The following FAAH2 variants were observed in gnomAD, a reference collection of about 807,000 sequenced individuals.
The protein encoded by FAAH2 is fatty-acid amide hydrolase 2.
FAAH2 carries 60 observed loss-of-function variants against 36.9 expected under a neutral mutation model. The observed-to-expected ratio is 1.63, with a 90% confidence interval of 1.32 to 2.02. The LOEUF is 2.02. Among genes scored for constraint, FAAH2 ranks in the 30% most tolerant of loss-of-function variants. The pLI, the probability that FAAH2 is intolerant of heterozygous loss-of-function variation, is 0.00. For synonymous variants in FAAH2, 214 were observed against 143.8 expected (o/e 1.49, Z -3.49); for missense variants, 689 against 397.5 (o/e 1.73, Z -6.23).
chrX:57,318,195 CAA>C (rs1454422424), intron 3 of FAAH2, among the ~76,000 whole-genome samples: 1 of 63,993 alleles, frequency 1.6e-5, no homozygotes. Flanking sequence ...AGACACACAA[CAA>C]ACCCTTCAAA....
the FAAH2 span, among the ~76,000 whole-genome samples, chrX:57,144,962 A>G: frequency 9.1e-6 from 1 of 109,538 alleles, no homozygotes; most frequent in Non-Finnish European, 1.9e-5. Context: ...TTCTTTATCC[A>G]CTCATTGATT....
At chrX:57,284,858 T>G (rs967184709), upstream of FAAH2, among the ~76,000 whole-genome samples, 2 of 111,722 alleles carry the variant, frequency 1.8e-5, no homozygotes, top group African/African-American at 6.5e-5. Flanking sequence ...CCTAGGGACA[T>G]TAAGTGATTT....
intron 7 of FAAH2, among the ~76,000 whole-genome samples, chrX:57,388,408 C>A (rs1371923372): frequency 1.8e-5 from 2 of 111,103 alleles, no homozygotes; most frequent in Admixed American, 1.9e-4. Context: ...TATTTCCTAG[C>A]AACACCTTAC....
At chrX:57,183,887 G>A in the FAAH2 span, among the ~76,000 whole-genome samples, 1 of 110,600 alleles carries the variant, frequency 9.0e-6, no homozygotes, top group Non-Finnish European at 1.9e-5. Context: ...GCAAGTAGGA[G>A]ATATCGCTAA....
the FAAH2 span, among the ~76,000 whole-genome samples, chrX:57,163,169 G>A: frequency 8.0e-5 from 9 of 112,219 alleles, no homozygotes; most frequent in Non-Finnish European, 1.5e-4. Flanking sequence ...CAGTTATGCT[G>A]CTTGGGGGTC....
intron 10 of FAAH2, among the ~76,000 whole-genome samples, chrX:57,466,156 C>CTCTATATA (rs1287266105): frequency 0.01 from 669 of 66,346 alleles, 7 homozygotes; most frequent in African/African-American, 0.031. Flanking sequence ...CTCTCTCTCT[C>CTCTATATA]TATATATATA....
At chrX:57,231,223 A>G in the FAAH2 span, among the ~76,000 whole-genome samples, 1 of 110,666 alleles carries the variant, frequency 9.0e-6, no homozygotes, top group Non-Finnish European at 1.9e-5. Flanking sequence ...ACTTTTATTC[A>G]TGATTTTCTG....
intron 7 of FAAH2, chrX:57,392,784 A>G: frequency 1.6e-6 from 1 of 624,251 alleles, no homozygotes; most frequent in South Asian, 2.2e-5. Flanking sequence ...GATGTTGCGA[A>G]TGGGCAGAAT....
chrX:57,342,480 C>T (rs2147060622), intron 5 of FAAH2, among the ~76,000 whole-genome samples: 1 of 111,267 alleles, frequency 9.0e-6, no homozygotes, highest in South Asian at 3.8e-4. Context: ...GACACGTTTA[C>T]CTATGTAACA....
At chrX:57,272,163 C>T in the FAAH2 span, among the ~76,000 whole-genome samples, 2 of 104,946 alleles carry the variant, frequency 1.9e-5, no homozygotes, top group African/African-American at 3.5e-5. Context: ...TGATTGAAGA[C>T]CAACTTAATG....
At chrX:57,486,932 G>T (rs2057484393) in intron 10 of FAAH2, among the ~76,000 whole-genome samples, 1 of 111,705 alleles carries the variant, frequency 9.0e-6, no homozygotes, top group South Asian at 3.7e-4. Flanking sequence ...GACTGGAACT[G>T]CAGAACTCCT....
intron 1 of FAAH2, chrX:57,290,190 A>T: frequency 1.6e-6 from 1 of 632,587 alleles, no homozygotes; most frequent in Non-Finnish European, 1.9e-6. Flanking sequence ...TTCTACCTCT[A>T]ACCCCTGCTT....
chrX:57,331,249 C>T (rs950433684), intron 3 of FAAH2, among the ~76,000 whole-genome samples: 7 of 111,548 alleles, frequency 6.3e-5, no homozygotes, highest in East Asian at 2.8e-4. Context: ...GGGTATTTTT[C>T]CTTCTATGAT....
intron 6 of FAAH2, 106 bp from the exon 7 acceptor site, chrX:57,380,806 C>G: frequency 2.1e-6 from 1 of 479,216 alleles, no homozygotes; most frequent in Non-Finnish European, 3.5e-6. Flanking sequence ...ACACAGTGCT[C>G]AGGGAAAAAA....
At chrX:57,147,185 C>T in the FAAH2 span, among the ~76,000 whole-genome samples, 2 of 111,627 alleles carry the variant, frequency 1.8e-5, no homozygotes, top group Admixed American at 1.9e-4. Flanking sequence ...GAATTTGTCC[C>T]ATCCTGAACT....
At chrX:57,209,048 A>C in the FAAH2 span, among the ~76,000 whole-genome samples, 1 of 111,655 alleles carries the variant, frequency 9.0e-6, no homozygotes, top group Non-Finnish European at 1.9e-5. Flanking sequence ...GCCTGTTCTC[A>C]ACAGCCTAGG....
chrX:57,294,950 C>A (rs1217683459), intron 2 of FAAH2, among the ~76,000 whole-genome samples: 1 of 111,868 alleles, frequency 8.9e-6, no homozygotes, highest in Non-Finnish European at 1.9e-5. Context: ...AAAAGTAACA[C>A]TGAAGTAACA....
chrX:57,422,602 A>G (rs980180868), intron 7 of FAAH2, among the ~76,000 whole-genome samples: 7 of 111,844 alleles, frequency 6.3e-5, no homozygotes, highest in Non-Finnish European at 1.1e-4. Flanking sequence ...TGATGGTCTG[A>G]CAGAGATTTT....
chrX:57,448,607 G>A lies in FAAH2; in HGVS notation c.1312G>A (p.Glu438Lys), dbSNP rs1265602136. The A allele has an allele frequency of 8.3e-7, 1 of 1,211,541 alleles. No individual in the cohort carries two copies. Among genetic ancestry groups the A allele is most frequent in the African/African-American group, 1.7e-5 (1 of 57,784 alleles). ...GGCAGTGGAAGAAAGCCTGCGTAAA[G>A]AGCTGGTGGATATGCTAGGTGATGA... ...FKAVEESLRKELVDMLGDDGV... is the reference protein window; with the variant it reads ...FKAVEESLRKKLVDMLGDDGV... Residue 438 changes from glutamate (E) to lysine (K), a missense_variant, in exon 10 of 11, where the codon GAG becomes AAG. Physicochemically the swap from Glu to Lys is moderately conservative, Grantham distance 56. Coordinates refer to ENST00000374900, the MANE Select transcript of FAAH2 (RefSeq NM_174912.4).
Sources: allele counts gnomAD v4.1 joint callset (sites outside exome capture counted in the v4.1 genomes callset), GRCh38; gene constraint gnomAD v4.1.1; transcripts MANE v1.5; gene names NCBI Gene and HGNC (gene_info 2026-07-23, HGNC 2026-07-21).